The following STX1A variants were observed in gnomAD, a reference collection of about 807,000 sequenced individuals.
STX1A encodes syntaxin 1A, also known as syntaxin-1A.
Under a neutral mutation model 37.8 loss-of-function variants are expected in STX1A, and 4 were observed. The observed-to-expected ratio is 0.11, with a 90% confidence interval of 0.05 to 0.24. The LOEUF is 0.24. Ranked by LOEUF, STX1A falls within the 10% of genes least tolerant of loss-of-function variation. The pLI is 1.00. For missense variants in STX1A, 251 were observed against 399.9 expected, an observed-to-expected ratio of 0.63 and a Z score of 3.18; for synonymous variants, 135 against 147.4, an observed-to-expected ratio of 0.92 and a Z score of 0.61.
chr7:73,704,687 A>C, intron 4 of STX1A: 1 of 557,910 alleles, frequency 1.8e-6, no homozygotes, highest in African/African-American at 1.9e-5. Context: ...CGGCCACCCT[A>C]TGCCTGGGTA....
chr7:73,700,219 TCA>T lies in STX1A; in HGVS notation c.*186_*187del, dbSNP rs1798596559. ...TGCCTCTTCCCGTACAGACGCACAC[TCA>T]CAGAGATCATGCACACGACACGGGG... On this transcript the variant is annotated 3_prime_UTR_variant, in exon 10 of 10. Transcript: ENST00000222812. The surrounding 1 kb of genome is among the most constrained non-coding windows in gnomAD (Gnocchi z 4.4). 5 of 632,952 alleles carry T rather than the reference TCA, an allele frequency of 7.9e-6. No individual in the cohort carries two copies. The highest frequency in any genetic ancestry group is 4.1e-4 in the Middle Eastern group (1 of 2,442). The allele number at this position is 632,952 out of a possible 1,614,324, so 39.2% of individuals were successfully genotyped here.
rs782464033 is a variant in STX1A, at chr7:73,706,756, C to G, written c.209-1532G>C. The stretch of plus-strand genomic sequence containing the variant: ...CACCCCACAATCAGCCACCTCCTGA[C>G]CCTGAGCAGGAACAGCCCACAGAGG... On this transcript the variant is annotated intron_variant, in intron 3 of 9. Coordinates refer to ENST00000222812, the MANE Select transcript of STX1A (RefSeq NM_004603.4). The surrounding 1 kb of genome is among the most constrained non-coding windows in gnomAD (Gnocchi z 4.6). Among the ~76,000 whole-genome samples, 48 of 152,150 alleles carry G rather than the reference C, an allele frequency of 3.2e-4. No homozygotes were observed. Among genetic ancestry groups the G allele is most frequent in the Non-Finnish European group, 6.2e-4 (42 of 68,014 alleles).
chr7:73,710,326 C>A (rs1799054210), intron 1 of STX1A, among the ~76,000 whole-genome samples: 1 of 152,284 alleles, frequency 6.6e-6, no homozygotes, highest in Non-Finnish European at 1.5e-5. Context: ...AAGGCCAGGT[C>A]TCTCTCTGCA....
chr7:73,714,632 T>G (rs1486734934), intron 1 of STX1A, among the ~76,000 whole-genome samples: 2 of 152,064 alleles, frequency 1.3e-5, no homozygotes, highest in African/African-American at 4.8e-5. Context: ...ACTCCTGAGC[T>G]CAAGCAGTCT....
Position 73,699,218 on chromosome 7 carries a change from C to A in STX1A, c.*1189G>T, listed in dbSNP as rs924152404. ...CTACAACAGAGGCCTGGTACAGATA[C>A]AAATGTTTATTCTACATAAAAATTT... On this transcript the variant is annotated 3_prime_UTR_variant, in exon 10 of 10. Coordinates refer to ENST00000222812, the MANE Select transcript of STX1A (RefSeq NM_004603.4). 2 of 152,616 alleles carry A rather than the reference C, an allele frequency of 1.3e-5. No individual in the cohort carries two copies. The highest frequency in any genetic ancestry group is 2.9e-5 in the Non-Finnish European group (2 of 68,042). 9.5% of individuals were successfully genotyped at this position (152,616 alleles called of 1,614,324 possible).
At chr7:73,718,793 T>C (rs1554619106) in intron 1 of STX1A, among the ~76,000 whole-genome samples, 1 of 151,786 alleles carries the variant, frequency 6.6e-6, no homozygotes, top group African/African-American at 2.4e-5. Flanking sequence ...CGTTTGTGCA[T>C]CCTCCTACTC....
In STX1A at chr7:73,703,001, G is replaced by A. The variant is rs782787105; in HGVS notation, c.541-19C>T. ...TGATGATCTGGGGGTGGGAGCAGGG[G>A]GCTGGGACCCAGAGGCTTGCTGAGG... is the stretch of plus-strand genomic sequence containing the variant. On this transcript the variant is annotated intron_variant, in intron 7 of 9. Coordinates refer to ENST00000222812, the MANE Select transcript of STX1A (RefSeq NM_004603.4). 2 of 1,582,926 alleles carry A rather than the reference G, an allele frequency of 1.3e-6. No individual in the cohort carries two copies. Among genetic ancestry groups the A allele is most frequent in the Non-Finnish European group, 1.7e-6 (2 of 1,165,450 alleles).
intron 4 of STX1A, 156 bp from the exon 5 acceptor site, chr7:73,704,579 C>T (rs1563570693): frequency 2.4e-6 from 2 of 841,844 alleles, no homozygotes; most frequent in East Asian, 5.3e-5. Context: ...GAGGAGGGGC[C>T]TACAGAAGCC....
chr7:73,699,669 T>C lies in STX1A; in HGVS notation c.*738A>G, dbSNP rs907277066. On this transcript the variant is annotated 3_prime_UTR_variant, in exon 10 of 10. Transcript: ENST00000222812. ...CCATCCCAAACATGCAACGCTGGCT[T>C]GAGGGACTGACTGCAGCCTGCTTTG... 6.5e-6 allele frequency: 1 copy of C among 152,776 alleles called. No individual in the cohort carries two copies. The highest frequency in any genetic ancestry group is 2.4e-5 in the African/African-American group (1 of 41,442). 9.5% of individuals were successfully genotyped at this position (152,776 alleles called of 1,614,324 possible).
In STX1A at chr7:73,699,532, C is replaced by T. The variant is rs1393967068; in HGVS notation, c.*875G>A. On this transcript the variant is annotated 3_prime_UTR_variant, in exon 10 of 10. Transcript: ENST00000222812. ...CCCGGCTGGCTGCCGAATACTGCAT[C>T]TGGGACACGTGACACCCACGTGGCA... 2 of 152,700 alleles carry T rather than the reference C, an allele frequency of 1.3e-5. No individual in the cohort carries two copies. The highest frequency in any genetic ancestry group is 4.8e-5 in the African/African-American group (2 of 41,462). 9.5% of individuals were successfully genotyped at this position (152,700 alleles called of 1,614,324 possible).
intron 4 of STX1A, 66 bp from the exon 5 acceptor site, chr7:73,704,489 C>A: frequency 1.9e-6 from 3 of 1,591,656 alleles, no homozygotes; most frequent in South Asian, 1.1e-5. Context: ...ACCCGCACAC[C>A]CAGCATCTAT....
At position 73,705,705 on chromosome 7, in the gene STX1A, T is replaced by G. The variant is rs1479294040; in HGVS notation, c.209-481A>C. On this transcript the variant is annotated intron_variant, in intron 3 of 9. Coordinates refer to ENST00000222812, the MANE Select transcript of STX1A (RefSeq NM_004603.4). The surrounding 1 kb of genome is among the most constrained non-coding windows in gnomAD (Gnocchi z 5.2). ...CTCCCTGAGTCATATGCGCAAACAC[T>G]CTGGGTGGGGCAGACCTTGCTGTTC... The G allele has an allele frequency of 5.9e-6, 1 of 169,256 alleles. No homozygotes were observed. Among genetic ancestry groups the G allele is most frequent in the Admixed American group, 5.9e-5 (1 of 16,922 alleles). 10.5% of individuals were successfully genotyped at this position (169,256 alleles called of 1,614,324 possible).
At position 73,719,668 on chromosome 7, in the gene STX1A, G is replaced by A; in HGVS notation, c.-37C>T. The A allele has an allele frequency of 8.6e-7, 1 of 1,166,600 alleles. No individual in the cohort carries two copies. Among genetic ancestry groups the A allele is most frequent in the Middle Eastern group, 3.5e-4 (1 of 2,838 alleles). The allele number at this position is 1,166,600 out of a possible 1,614,324, so 72.3% of individuals were successfully genotyped here. On this transcript the variant is annotated 5_prime_UTR_variant, in exon 1 of 10. Coordinates refer to ENST00000222812, the MANE Select transcript of STX1A (RefSeq NM_004603.4). Reference sequence around the variant, plus strand: ...TGGCAGCGGCGCCGGCTGCAGCCGTGTGAGCCCCGCATGCGCGACGGCCGC... The same window carrying A: ...TGGCAGCGGCGCCGGCTGCAGCCGTATGAGCCCCGCATGCGCGACGGCCGC...
At chr7:73,718,393 C>A (rs1342746337) in intron 1 of STX1A, among the ~76,000 whole-genome samples, 1 of 152,088 alleles carries the variant, frequency 6.6e-6, no homozygotes, top group African/African-American at 2.4e-5. Flanking sequence ...CAGACAGGCT[C>A]CAACTCAGGG....
In STX1A at chr7:73,700,106, G is replaced by A. The variant is rs1220858663; in HGVS notation, c.*301C>T. 1 of 483,046 alleles carries A rather than the reference G, an allele frequency of 2.1e-6. No individual in the cohort carries two copies. The highest frequency in any genetic ancestry group is 3.8e-6 in the Non-Finnish European group (1 of 265,548). 29.9% of individuals were successfully genotyped at this position (483,046 alleles called of 1,614,324 possible). Reference sequence around the variant, plus strand: ...GGCCCACCGAGTTACTGAAGGCAAGGAAGGGTGGCCTGTGTCACCCTGGCG... The same window carrying A: ...GGCCCACCGAGTTACTGAAGGCAAGAAAGGGTGGCCTGTGTCACCCTGGCG... On this transcript the variant is annotated 3_prime_UTR_variant, in exon 10 of 10. Coordinates refer to ENST00000222812, the MANE Select transcript of STX1A (RefSeq NM_004603.4). This position sits in a 1 kb window ranked among gnomAD's most constrained non-coding sequence, Gnocchi z 4.4.
intron 7 of STX1A, chr7:73,703,530 G>C: frequency 1.4e-6 from 1 of 705,496 alleles, no homozygotes; most frequent in Non-Finnish European, 2.6e-6. Flanking sequence ...GCGAAAGTGA[G>C]TCCAACTGGG....
Position 73,702,968 on chromosome 7 carries a change from G to A in STX1A, c.555C>T (p.Ser185=), listed in dbSNP as rs1206302779. Residue 185 remains serine (S), a synonymous_variant, in exon 8 of 10, where the codon TCC becomes TCT. Transcript: ENST00000222812. This position sits in a 1 kb window ranked among gnomAD's most constrained non-coding sequence, Gnocchi z 4.7. The part of the protein sequence containing the change: ...AIFASGIIMD[S]SISKQALSEI... Reference sequence around the variant, plus strand: ...CGCTCAGAGCCTGCTTCGAGATGCTGGAGTCCATGATGATCTGGGGGTGGG... The same window carrying A: ...CGCTCAGAGCCTGCTTCGAGATGCTAGAGTCCATGATGATCTGGGGGTGGG... 5 of 1,609,414 alleles carry A rather than the reference G, an allele frequency of 3.1e-6. No homozygotes were observed. The highest frequency in any genetic ancestry group is 4.2e-6 in the Non-Finnish European group (5 of 1,178,280).
chr7:73,705,469 G>C lies in STX1A; in HGVS notation c.209-245C>G. The C allele has an allele frequency of 2.0e-6, 1 of 504,266 alleles. No individual in the cohort carries two copies. The highest frequency in any genetic ancestry group is 3.5e-5 in the Admixed American group (1 of 28,818). The allele number at this position is 504,266 out of a possible 1,614,324, so 31.2% of individuals were successfully genotyped here. On this transcript the variant is annotated intron_variant, in intron 3 of 9. Coordinates refer to ENST00000222812, the MANE Select transcript of STX1A (RefSeq NM_004603.4). The surrounding 1 kb of genome is among the most constrained non-coding windows in gnomAD (Gnocchi z 5.2). ...GAGCCTCCCTTCCTCCTTTGCTGGC[G>C]CCCCCACCCCCTGGAGATAACAGAT... is the stretch of plus-strand genomic sequence containing the variant.
chr7:73,715,830 G>A (rs755203709), intron 1 of STX1A, among the ~76,000 whole-genome samples: 2 of 152,164 alleles, frequency 1.3e-5, no homozygotes, highest in African/African-American at 2.4e-5. Flanking sequence ...AGAGAGGCCC[G>A]GAGCTGAGTC....
Sources: gnomAD v4.1 joint callset for allele counts (sites outside exome capture counted in the v4.1 genomes callset) on GRCh38, gnomAD v4.1.1 for gene constraint, Gnocchi (gnomAD v3.1) non-coding constraint, MANE v1.5 for transcripts, NCBI Gene and HGNC (gene_info 2026-07-23, HGNC 2026-07-21) for gene names.